Variants in ETV6 observed in about 807,000 individuals in gnomAD.
ETV6 encodes the protein ETS variant transcription factor 6.
Under a neutral mutation model 51.1 loss-of-function variants are expected in ETV6, and 16 were observed. The observed-to-expected ratio is 0.31, with a 90% CI of 0.21 to 0.48. The LOEUF is 0.48. ETV6 is among the 20% of genes least tolerant of loss of function. The pLI, the probability that ETV6 is intolerant of heterozygous loss-of-function variation, is 0.99. For missense variants in ETV6, 458 were observed against 594.8 expected, an observed-to-expected ratio of 0.77 and a Z score of 2.39; for synonymous variants, 240 against 224.1, an observed-to-expected ratio of 1.07 and a Z score of -0.64.
At chr12:11,786,830 T>C (rs1945493194) in intron 2 of ETV6, among the ~76,000 whole-genome samples, 1 of 152,208 alleles carries the variant, frequency 6.6e-6, no homozygotes, top group African/African-American at 2.4e-5. Context: ...AAATGGCTCA[T>C]ATCAAGAGAG....
intron 2 of ETV6, among the ~76,000 whole-genome samples, chr12:11,824,463 C>G (rs928743662): frequency 6.6e-6 from 1 of 152,264 alleles, no homozygotes; most frequent in African/African-American, 2.4e-5. Flanking sequence ...GGAGAAGCTG[C>G]TGGGAGTAGA....
chr12:11,770,940 G>C lies in ETV6; in HGVS notation c.163+18361G>C, dbSNP rs1430563359. 2.6e-5 allele frequency among the ~76,000 whole-genome samples: 4 copies of C among 152,072 alleles called. No homozygotes were observed. The East Asian group carries it at 7.7e-4, about 29-fold the overall frequency. On this transcript the variant is annotated intron_variant, in intron 2 of 7. Transcript: ENST00000396373. Reference sequence around the variant, plus strand: ...AAAAATGCCTATGCAATGGCTCTGAGGCACCCTCATGGTTGATCCAATGGC... The same window carrying C: ...AAAAATGCCTATGCAATGGCTCTGACGCACCCTCATGGTTGATCCAATGGC...
At chr12:11,709,053 G>T (rs1241063954) in intron 1 of ETV6, among the ~76,000 whole-genome samples, 2 of 152,102 alleles carry the variant, frequency 1.3e-5, no homozygotes, top group African/African-American at 4.8e-5. Flanking sequence ...CACACGTGTG[G>T]CCTGAAAGCT....
At chr12:11,723,560 T>C (rs1865433267) in intron 1 of ETV6, among the ~76,000 whole-genome samples, 1 of 152,214 alleles carries the variant, frequency 6.6e-6, no homozygotes, top group African/African-American at 2.4e-5. Flanking sequence ...ACTGTTCACC[T>C]GTTCTTTGCC....
intron 1 of ETV6, among the ~76,000 whole-genome samples, chr12:11,694,634 T>G (rs1430543383): frequency 6.6e-6 from 1 of 152,244 alleles, no homozygotes; most frequent in Non-Finnish European, 1.5e-5. Flanking sequence ...ACTTTTCCAG[T>G]GAAGACTCTT....
chr12:11,700,235 T>G (rs990952634), intron 1 of ETV6, among the ~76,000 whole-genome samples: 1 of 152,222 alleles, frequency 6.6e-6, no homozygotes, highest in African/African-American at 2.4e-5. Flanking sequence ...GTGTATAACT[T>G]TTTAAAAAAT....
chr12:11,815,083 G>T (rs569122631), intron 2 of ETV6, among the ~76,000 whole-genome samples: 2 of 152,164 alleles, frequency 1.3e-5, no homozygotes, highest in Non-Finnish European at 2.9e-5. Flanking sequence ...CTTCCCAGGA[G>T]AAGTCAAATC....
At chr12:11,807,379 G>A (rs1945844199) in intron 2 of ETV6, among the ~76,000 whole-genome samples, 1 of 152,180 alleles carries the variant, frequency 6.6e-6, no homozygotes, top group Admixed American at 6.5e-5. Context: ...TTGGTAGAGT[G>A]AATTAAAGTA....
At chr12:11,654,285 C>T (rs542317610) in intron 1 of ETV6, among the ~76,000 whole-genome samples, 3 of 152,282 alleles carry the variant, frequency 2.0e-5, no homozygotes, top group African/African-American at 7.2e-5. Flanking sequence ...AATCAGGGAA[C>T]TTTCAAACAT....
intron 1 of ETV6, among the ~76,000 whole-genome samples, chr12:11,671,928 T>C (rs1288588393): frequency 1.0e-5 from 1 of 99,152 alleles, no homozygotes; most frequent in Non-Finnish European, 2.2e-5. Flanking sequence ...TTGGGTGTTT[T>C]TAGGTCATGT....
intron 2 of ETV6, among the ~76,000 whole-genome samples, chr12:11,828,761 C>G (rs1946198881): frequency 6.6e-6 from 1 of 152,112 alleles, no homozygotes; most frequent in African/African-American, 2.4e-5. Context: ...AATCTCTTCC[C>G]CACTCCCTTT....
chr12:11,853,784 A>G (rs1436503452), intron 4 of ETV6, among the ~76,000 whole-genome samples: 2 of 152,218 alleles, frequency 1.3e-5, no homozygotes, highest in African/African-American at 2.4e-5. Flanking sequence ...GCGTAACCAT[A>G]TAGTAGGCAC....
intron 1 of ETV6, among the ~76,000 whole-genome samples, chr12:11,692,172 A>ATTAATGGG (rs929161127): frequency 1.3e-5 from 2 of 152,088 alleles, no homozygotes; most frequent in African/African-American, 2.4e-5. Context: ...GGATTAATGG[A>ATTAATGGG]TTAATGGGTT....
chr12:11,800,111 T>C (rs1213839738), intron 2 of ETV6, among the ~76,000 whole-genome samples: 1 of 152,114 alleles, frequency 6.6e-6, no homozygotes, highest in Non-Finnish European at 1.5e-5. Flanking sequence ...ATATATGACC[T>C]TGGAAGTCTC....
At chr12:11,872,067 A>G (rs1439052767) in intron 5 of ETV6, among the ~76,000 whole-genome samples, 2 of 152,208 alleles carry the variant, frequency 1.3e-5, no homozygotes, top group East Asian at 3.8e-4. Context: ...TGTGTGCAGC[A>G]GTACTTGACA....
At chr12:11,653,513 G>A (rs1005667206) in intron 1 of ETV6, among the ~76,000 whole-genome samples, 1 of 152,162 alleles carries the variant, frequency 6.6e-6, no homozygotes, top group Admixed American at 6.5e-5. Flanking sequence ...CTCCCCTTCT[G>A]GACTCTGGGC....
At chr12:11,765,730 C>A (rs1450645123) in intron 2 of ETV6, among the ~76,000 whole-genome samples, 1 of 151,732 alleles carries the variant, frequency 6.6e-6, no homozygotes, top group Non-Finnish European at 1.5e-5. Flanking sequence ...AAAAAAAAAA[C>A]CACCACCACC....
intron 1 of ETV6, among the ~76,000 whole-genome samples, chr12:11,735,284 C>A (rs962281382): frequency 4.6e-5 from 7 of 151,994 alleles, no homozygotes; most frequent in Admixed American, 1.3e-4. Flanking sequence ...GGGTCACAGA[C>A]CCCCAATTGT....
At position 11,859,118 on chromosome 12, in the gene ETV6, G is replaced by GCTTTTTTTTTTT. The variant is rs1565555150; in HGVS notation, c.463+5557_463+5558insCTTTTTTTTTTT. Among the ~76,000 whole-genome samples, 180 of 41,798 alleles carry GCTTTTTTTTTTT rather than the reference G, an allele frequency of 4.3e-3. 82 individuals carry two copies. The highest frequency in any genetic ancestry group is 9.1e-3 in the African/African-American group (131 of 14,396). The allele number at this position is 41,798 out of a possible 152,430, so 27.4% of individuals were successfully genotyped here. A position where few individuals can be genotyped will look rare whatever the true frequency, so the allele number is the denominator to read the frequency against. ...TAAAGAAGATGAGGTATATGAATCTGGTTTTTTTTTTTTTTTTTTTTTTTT... is the reference window on the plus strand; with the variant it reads ...TAAAGAAGATGAGGTATATGAATCTGCTTTTTTTTTTTGTTTTTTTTTTTTTTTTTTTTTTTT... On this transcript the variant is annotated intron_variant, in intron 4 of 7. Coordinates refer to ENST00000396373, the MANE Select transcript of ETV6 (RefSeq NM_001987.5).
Sources: allele counts gnomAD v4.1 joint callset (sites outside exome capture counted in the v4.1 genomes callset), GRCh38; gene constraint gnomAD v4.1.1; transcripts MANE v1.5; gene names NCBI Gene and HGNC (gene_info 2026-07-23, HGNC 2026-07-21).